The following SLC35G1 variants were observed in gnomAD, a reference collection of about 807,000 sequenced individuals.
SLC35G1 encodes partner of STIM1.
SLC35G1 carries 10 observed loss-of-function variants against 17.1 expected under a neutral mutation model. The ratio of observed to expected loss-of-function variants is 0.59; its 90% CI spans 0.36 to 0.99. The LOEUF is 0.99. SLC35G1 is among the 50% of genes least tolerant of loss of function. SLC35G1 has a pLI of 0.01. For synonymous variants in SLC35G1, 185 were observed against 181.1 expected (o/e 1.02, Z -0.18); for missense variants, 433 against 468.4 (o/e 0.92, Z 0.70).
At chr10:93,894,506 G>C (rs914915568) in intron 1 of SLC35G1, among the ~76,000 whole-genome samples, 1 of 152,120 alleles carries the variant, frequency 6.6e-6, no homozygotes, top group African/African-American at 2.4e-5. Context: ...ACTGCAGTTT[G>C]GCGTACCCTC....
intron 1 of SLC35G1, among the ~76,000 whole-genome samples, chr10:93,895,459 A>G (rs186217065): frequency 6.6e-6 from 1 of 152,234 alleles, no homozygotes; most frequent in East Asian, 1.9e-4. Context: ...AGTCCATGCA[A>G]ACTCTTAAAG....
intron 1 of SLC35G1, among the ~76,000 whole-genome samples, chr10:93,894,956 C>T (rs1398531596): frequency 6.6e-6 from 1 of 152,124 alleles, no homozygotes; most frequent in Non-Finnish European, 1.5e-5. Flanking sequence ...GGCGCATGTC[C>T]AGGGAGCACC....
At chr10:93,894,841 C>T (rs191105980) in intron 1 of SLC35G1, among the ~76,000 whole-genome samples, 62 of 152,246 alleles carry the variant, frequency 4.1e-4, no homozygotes, top group Admixed American at 4.1e-3. Flanking sequence ...TATGTTCAGT[C>T]CCCCTCCTTC....
chr10:93,907,126 C>G (rs1002668399), downstream of SLC35G1: 3 of 152,130 alleles, frequency 2.0e-5, no homozygotes, highest in African/African-American at 7.2e-5. Flanking sequence ...CACCTGTAAT[C>G]CCAGCATTTC....
rs2060396811 is a variant in SLC35G1, at chr10:93,902,357, T to C, written c.*867T>C. 1.3e-5 allele frequency: 2 copies of C among 152,612 alleles called. No homozygotes were observed. Among genetic ancestry groups the C allele is most frequent in the South Asian group, 4.1e-4 (2 of 4,830 alleles). The allele number at this position is 152,612 out of a possible 1,614,324, so 9.5% of individuals were successfully genotyped here. A position where few individuals can be genotyped will look rare whatever the true frequency, so the allele number is the denominator to read the frequency against. On this transcript the variant is annotated 3_prime_UTR_variant, in exon 3 of 3. Coordinates refer to ENST00000427197, the MANE Select transcript of SLC35G1 (RefSeq NM_001134658.3). ...CACGTTTCCATCCTGAAGTGTTTTC[T>C]CTTCACTAGAAATGTGATTTTCTAT...
chr10:93,909,600 A>G (rs2060447721), exon 3 of SLC35G1: 1 of 152,132 alleles, frequency 6.6e-6, no homozygotes, highest in Non-Finnish European at 1.5e-5. Context: ...ACTTCATTTT[A>G]AGAAACATGG....
intron 2 of SLC35G1, among the ~76,000 whole-genome samples, chr10:93,899,792 C>T (rs187306209): frequency 1.3e-5 from 2 of 152,202 alleles, no homozygotes; most frequent in East Asian, 3.9e-4. Flanking sequence ...AGCAGAACAC[C>T]GATGCTAACA....
chr10:93,898,870 C>G (rs2060356103), intron 2 of SLC35G1, 119 bp downstream of exon 2: 1 of 952,670 alleles, frequency 1.0e-6, no homozygotes, highest in Admixed American at 3.2e-5. Flanking sequence ...TCCTATGCCC[C>G]TTGGCTCTGC....
At chr10:93,897,611 G>C (rs966218364) in intron 1 of SLC35G1, among the ~76,000 whole-genome samples, 3 of 152,200 alleles carry the variant, frequency 2.0e-5, no homozygotes, top group African/African-American at 7.2e-5. Context: ...TTTGCTCTCT[G>C]AATGACAGAG....
chr10:93,900,365 T>C (rs1477729053), intron 2 of SLC35G1, among the ~76,000 whole-genome samples: 1 of 152,120 alleles, frequency 6.6e-6, no homozygotes, highest in African/African-American at 2.4e-5. Context: ...AAAATAAATA[T>C]AAAGAAAGAA....
downstream of SLC35G1, among the ~76,000 whole-genome samples, chr10:93,904,856 C>T (rs1392814728): frequency 6.6e-6 from 1 of 152,188 alleles, no homozygotes; most frequent in Non-Finnish European, 1.5e-5. Context: ...ATTCACTCTC[C>T]TCTTCAAAAT....
chr10:93,900,885 A>G lies in SLC35G1; in HGVS notation c.493A>G (p.Ser165Gly), dbSNP rs141763133. Residue 165 changes from serine to glycine, a missense_variant, in exon 3 of 3, where the codon AGC (serine) becomes GGC (glycine). Physicochemically the swap from Ser to Gly is moderately conservative, Grantham distance 56. Transcript: ENST00000427197. ...SLADATVITF[S>G]SPVFTSIFAW... is the part of the protein sequence containing the mutation. Reference sequence around the variant, plus strand: ...CGCTGATGCCACAGTTATCACGTTTAGCAGTCCAGTGTTTACGTCCATATT... The same window carrying G: ...CGCTGATGCCACAGTTATCACGTTTGGCAGTCCAGTGTTTACGTCCATATT... The G allele has an allele frequency of 2.2e-4, 354 of 1,614,072 alleles. 3 individuals carry two copies. The East Asian group carries it at 6.0e-3, about 27-fold the overall frequency.
At position 93,894,047 on chromosome 10, in the gene SLC35G1, A is replaced by G; in HGVS notation, c.14A>G (p.Asp5Gly). 6.8e-7 allele frequency: 1 copy of G among 1,476,686 alleles called. No homozygotes were observed. The highest frequency in any genetic ancestry group is 3.0e-5 in the East Asian group (1 of 33,414). 91.5% of individuals were successfully genotyped at this position (1,476,686 alleles called of 1,614,324 possible). Residue 5 changes from aspartate (D) to glycine (G), a missense_variant, in exon 1 of 3, where the codon GAC (aspartate) becomes GGC (glycine). Transcript: ENST00000427197. ...GCGTGCCGCGAGATGCGGCCTCAGG[A>G]CAGCACCGGGGTCGCGGAGCTCCAG... Reference protein sequence around the residue: MRPQDSTGVAELQEP... With the variant: MRPQGSTGVAELQEP...
At chr10:93,896,952 A>T (rs980659440) in intron 1 of SLC35G1, among the ~76,000 whole-genome samples, 3 of 152,076 alleles carry the variant, frequency 2.0e-5, no homozygotes, top group South Asian at 4.2e-4. Flanking sequence ...TTTTATTTGG[A>T]ACTGAATTCT....
chr10:93,897,007 T>G (rs1380315670), intron 1 of SLC35G1, among the ~76,000 whole-genome samples: 3 of 152,180 alleles, frequency 2.0e-5, no homozygotes, highest in Admixed American at 6.5e-5. Flanking sequence ...AGCCAAGGCA[T>G]GTATTTTGTG....
chr10:93,894,092 C>T lies in SLC35G1; in HGVS notation c.59C>T (p.Thr20Met), dbSNP rs3740364. ...AELQEPGLPL[T>M]DDAPPGATEE... Reference sequence around the variant, plus strand: ...CTCCAGGAGCCCGGGCTGCCGCTAACGGACGATGCACCCCCGGGCGCCACT... The same window carrying T: ...CTCCAGGAGCCCGGGCTGCCGCTAATGGACGATGCACCCCCGGGCGCCACT... The change falls in exon 1 of 3, where the codon ACG becomes ATG. Residue 20 changes from threonine (T) to methionine (M), a missense_variant. Thr to Met is a moderately conservative substitution (Grantham distance 81, BLOSUM62 -1). Coordinates refer to ENST00000427197, the MANE Select transcript of SLC35G1 (RefSeq NM_001134658.3). The T allele has an allele frequency of 4.3e-5, 64 of 1,486,936 alleles. No homozygotes were observed. The East Asian group carries it at 1.8e-3, about 42-fold the overall frequency. The allele number at this position is 1,486,936 out of a possible 1,614,324, so 92.1% of individuals were successfully genotyped here.
Position 93,902,650 on chromosome 10 carries a change from A to G in SLC35G1, c.*1160A>G, listed in dbSNP as rs2060400306. 1 of 152,616 alleles carries G rather than the reference A, an allele frequency of 6.6e-6. No homozygotes were observed. The highest frequency in any genetic ancestry group is 2.4e-5 in the African/African-American group (1 of 41,450). 9.5% of individuals were successfully genotyped at this position (152,616 alleles called of 1,614,324 possible). A position where few individuals can be genotyped will look rare whatever the true frequency, so the allele number is the denominator to read the frequency against. ...ATTATGTGTAATAATGCTTTATGTT[A>G]TACATTAAATGTAAAGACTTGTGAA... On this transcript the variant is annotated 3_prime_UTR_variant, in exon 3 of 3. Transcript: ENST00000427197.
rs1009721727 is a variant in SLC35G1 at position 93,903,764 on chromosome 10, A to C, written c.*2274A>C. ...AGAGCGTAGTTTCTATATCTTGAAA[A>C]GGAAAATATTTTCATAAATTGTTTT... On this transcript the variant is annotated 3_prime_UTR_variant, in exon 3 of 3. Transcript: ENST00000427197. 1 of 152,130 alleles carries C rather than the reference A, an allele frequency of 6.6e-6. No homozygotes were observed. Among genetic ancestry groups the C allele is most frequent in the African/African-American group, 2.4e-5 (1 of 41,454 alleles). 9.4% of individuals were successfully genotyped at this position (152,130 alleles called of 1,614,324 possible).
intron 1 of SLC35G1, among the ~76,000 whole-genome samples, chr10:93,897,825 A>G (rs1433719803): frequency 6.6e-6 from 1 of 152,274 alleles, no homozygotes; most frequent in East Asian, 1.9e-4. Context: ...CCAAAGGGCT[A>G]GATAACCCAC....
Sources: allele counts gnomAD v4.1 joint callset (sites outside exome capture counted in the v4.1 genomes callset), GRCh38; gene constraint gnomAD v4.1.1; transcripts MANE v1.5; gene names NCBI Gene and HGNC (gene_info 2026-07-23, HGNC 2026-07-21).